The following MIS18A variants were observed in gnomAD, a reference collection of about 807,000 sequenced individuals.
MIS18A encodes protein Mis18-alpha.
MIS18A carries 14 observed loss-of-function variants against 25.0 expected under a neutral mutation model. The observed-to-expected ratio is 0.56, with a 90% CI of 0.37 to 0.88. MIS18A has a LOEUF of 0.88. Among genes scored for constraint, MIS18A ranks in the 40% least tolerant of loss-of-function variants. The probability of loss-of-function intolerance (pLI) is 0.00; values close to 1 mark genes in which losing one functional copy is unlikely to be tolerated. For missense variants in MIS18A, 292 were observed against 290.8 expected (o/e 1.00, Z -0.03); for synonymous variants, 134 against 118.6 (o/e 1.13, Z -0.84).
chr21:32,274,197 C>CTT lies in MIS18A; in HGVS notation c.401+631_401+632dup, dbSNP rs1184186125. Among the ~76,000 whole-genome samples the CTT allele has an allele frequency of 9.6e-4, 70 of 72,782 alleles. 1 individual carries two copies. Among genetic ancestry groups the CTT allele is most frequent in the East Asian group, 2.4e-3 (6 of 2,454 alleles). The allele number at this position is 72,782 out of a possible 152,430, so 47.7% of individuals were successfully genotyped here. ...TATAATATAGGTATTTCCTTTTCTT[C>CTT]TTTTTTTTTTTTTTTTTTTTTTTTT... On this transcript the variant is annotated intron_variant, in intron 2 of 4. Transcript: ENST00000290130.
the MIS18A span, among the ~76,000 whole-genome samples, chr21:32,214,783 C>A: frequency 6.6e-6 from 1 of 152,178 alleles, no homozygotes; most frequent in African/African-American, 2.4e-5. Context: ...TACCTGCAGC[C>A]CGGCCCTTGC....
chr21:32,255,193 A>C, the MIS18A span, among the ~76,000 whole-genome samples: 2 of 151,770 alleles, frequency 1.3e-5, no homozygotes, highest in African/African-American at 4.8e-5. Context: ...TTTCTGTAGA[A>C]TCTTCTAATT....
At chr21:32,253,075 G>A in the MIS18A span, among the ~76,000 whole-genome samples, 50 of 152,306 alleles carry the variant, frequency 3.3e-4, 1 homozygote, top group Middle Eastern at 0.01. Flanking sequence ...AGCTGTGCTC[G>A]GGACTTCTCC....
the MIS18A span, among the ~76,000 whole-genome samples, chr21:32,194,083 A>T: frequency 1.3e-5 from 2 of 152,088 alleles, no homozygotes; most frequent in Non-Finnish European, 2.9e-5. Flanking sequence ...GGAATGGGGA[A>T]TCTCAGTCAC....
the MIS18A span, among the ~76,000 whole-genome samples, chr21:32,232,576 C>A: frequency 1.3e-5 from 2 of 151,732 alleles, no homozygotes; most frequent in Non-Finnish European, 2.9e-5. Flanking sequence ...TTAAAAAATA[C>A]AAATATTATT....
chr21:32,278,833 AC>A lies in MIS18A; in HGVS notation c.181del (p.Val61TrpfsTer36). ...MWSSMSEDAS[V>X]ADMERAQLEE... Reference sequence around the variant, plus strand: ...CAGCTGCGCCCTCTCCATGTCGGCCACCGACGCGTCTTCGCTCATGGAGCTC... The same window carrying A: ...CAGCTGCGCCCTCTCCATGTCGGCCACGACGCGTCTTCGCTCATGGAGCTC... On this transcript the variant is annotated frameshift_variant, in exon 1 of 5. Transcript: ENST00000290130. LOFTEE classifies it high-confidence loss of function. 6.2e-7 allele frequency: 1 copy of A among 1,606,642 alleles called. No individual in the cohort carries two copies. Among genetic ancestry groups the A allele is most frequent in the Non-Finnish European group, 8.5e-7 (1 of 1,177,632 alleles).
At chr21:32,219,340 G>A in the MIS18A span, among the ~76,000 whole-genome samples, 1 of 152,244 alleles carries the variant, frequency 6.6e-6, no homozygotes, top group Non-Finnish European at 1.5e-5. Context: ...GCAAAAGCAG[G>A]GTGGGGTGTT....
chr21:32,204,885 T>TCAAA, the MIS18A span, among the ~76,000 whole-genome samples: 2 of 152,052 alleles, frequency 1.3e-5, no homozygotes, highest in African/African-American at 4.8e-5. Context: ...AGACTCTGGC[T>TCAAA]CAAACAAACA....
the MIS18A span, among the ~76,000 whole-genome samples, chr21:32,263,143 G>A: frequency 6.6e-6 from 1 of 152,190 alleles, no homozygotes; most frequent in Non-Finnish European, 1.5e-5. Context: ...TTGTCTCTGG[G>A]TGTTCACTGG....
chr21:32,241,955 T>G, the MIS18A span, among the ~76,000 whole-genome samples: 2 of 152,212 alleles, frequency 1.3e-5, no homozygotes, highest in Non-Finnish European at 2.9e-5. Flanking sequence ...CTCGGCTCAC[T>G]GCAAGCTCCG....
the MIS18A span, among the ~76,000 whole-genome samples, chr21:32,193,544 G>T: frequency 3.3e-5 from 5 of 151,924 alleles, no homozygotes; most frequent in Non-Finnish European, 7.4e-5. Context: ...CGATCTAATC[G>T]AGCTAAAACC....
the MIS18A span, among the ~76,000 whole-genome samples, chr21:32,221,573 T>C: frequency 6.6e-6 from 1 of 151,654 alleles, no homozygotes. Context: ...CTCCATCAAC[T>C]AATGGGCAAA....
the MIS18A span, among the ~76,000 whole-genome samples, chr21:32,164,969 C>T: frequency 4.6e-5 from 7 of 152,132 alleles, no homozygotes; most frequent in Admixed American, 2.6e-4. Context: ...TAAGCAGGTA[C>T]AAGACATTTT....
At chr21:32,170,527 T>C in the MIS18A span, among the ~76,000 whole-genome samples, 1 of 151,880 alleles carries the variant, frequency 6.6e-6, no homozygotes, top group African/African-American at 2.4e-5. Flanking sequence ...AATAGAAGAT[T>C]TGAGATGGCA....
chr21:32,246,720 C>T, the MIS18A span, among the ~76,000 whole-genome samples: 7 of 152,236 alleles, frequency 4.6e-5, no homozygotes, highest in African/African-American at 1.2e-4. Context: ...CCCTTTCCAG[C>T]GCCTTCTCTT....
At chr21:32,205,168 G>A in the MIS18A span, among the ~76,000 whole-genome samples, 7 of 123,312 alleles carry the variant, frequency 5.7e-5, no homozygotes, top group South Asian at 2.9e-4. Context: ...GCAGTGGCTC[G>A]ATCTCGGCTC....
the MIS18A span, among the ~76,000 whole-genome samples, chr21:32,263,092 A>G: frequency 6.6e-6 from 1 of 152,264 alleles, no homozygotes; most frequent in Non-Finnish European, 1.5e-5. Flanking sequence ...AGATCAAAAA[A>G]TAAGTTATTC....
the MIS18A span, among the ~76,000 whole-genome samples, chr21:32,204,544 G>GA: frequency 7.3e-5 from 11 of 151,678 alleles, no homozygotes; most frequent in Admixed American, 2.0e-4. Context: ...TAACTCTGGG[G>GA]AAAAAATCCA....
the MIS18A span, among the ~76,000 whole-genome samples, chr21:32,156,727 G>A: frequency 1.3e-5 from 2 of 152,086 alleles, no homozygotes; most frequent in Admixed American, 1.3e-4. Flanking sequence ...CCAGCGGGGG[G>A]TTGCATCTGT....
Sources: allele counts gnomAD v4.1 joint callset (sites outside exome capture counted in the v4.1 genomes callset), GRCh38; gene constraint gnomAD v4.1.1; transcripts MANE v1.5; gene names NCBI Gene and HGNC (gene_info 2026-07-23, HGNC 2026-07-21).